RALY: variants seen among roughly 807,000 people sequenced by gnomAD.
RALY encodes RALY heterogeneous nuclear ribonucleoprotein.
RALY carries 15 observed loss-of-function variants against 30.7 expected under a neutral mutation model. The ratio of observed to expected loss-of-function variants is 0.49; its 90% CI spans 0.33 to 0.75. The LOEUF is 0.75. RALY is among the 30% of genes least tolerant of loss of function. RALY has a pLI of 0.02. For missense variants in RALY, 339 were observed against 414.3 expected (o/e 0.82, Z 1.58); for synonymous variants, 177 against 170.8 (o/e 1.04, Z -0.28).
chr20:33,997,142 G>C (rs528708319), intron 1 of RALY, among the ~76,000 whole-genome samples: 1 of 152,032 alleles, frequency 6.6e-6, no homozygotes, highest in Non-Finnish European at 1.5e-5. Flanking sequence ...TGGAGACGGA[G>C]TCTCACTCCG....
At chr20:34,038,235 C>T (rs1346345513) in intron 2 of RALY, among the ~76,000 whole-genome samples, 1 of 152,096 alleles carries the variant, frequency 6.6e-6, no homozygotes, top group East Asian at 1.9e-4. Flanking sequence ...AGGAGAGGGA[C>T]CTGTAGGTTA....
At position 34,072,176 on chromosome 20, in the gene RALY, G is replaced by T. The variant is rs114080584; in HGVS notation, c.102G>T (p.Lys34Asn). 1 of 1,614,248 alleles carries T rather than the reference G, an allele frequency of 6.2e-7. No homozygotes were observed. Among genetic ancestry groups the T allele is most frequent in the African/African-American group, 1.3e-5 (1 of 75,050 alleles). ...GAAACCTCAACACAGCTCTGGTGAA[G>T]AAATCAGATGTGGAGACCATCTTCT... Reference protein sequence around the residue: ...FIGNLNTALVKKSDVETIFSK... With the variant: ...FIGNLNTALVNKSDVETIFSK... The change falls in exon 3 of 10, where the codon AAG becomes AAT. Residue 34 changes from lysine to asparagine, a missense_variant. This residue lies in a region of RALY where 71 missense variants were observed against 133.7 expected (regional missense o/e 0.53). Transcript: ENST00000246194.
intron 1 of RALY, among the ~76,000 whole-genome samples, chr20:34,022,873 A>AT (rs1222633317): frequency 3.3e-5 from 5 of 152,254 alleles, no homozygotes; most frequent in South Asian, 2.1e-4. Flanking sequence ...ATAGCATAGC[A>AT]TTTTTTCCCC....
intron 1 of RALY, among the ~76,000 whole-genome samples, chr20:34,028,347 A>G (rs1341350675): frequency 6.6e-6 from 1 of 152,032 alleles, no homozygotes; most frequent in Non-Finnish European, 1.5e-5. Context: ...AGTAGTAGGA[A>G]TTTCTACAAG....
At chr20:34,044,327 CT>C (rs754831156) in intron 2 of RALY, among the ~76,000 whole-genome samples, 211 of 144,878 alleles carry the variant, frequency 1.5e-3, no homozygotes, top group Non-Finnish European at 1.7e-3. Context: ...ATGTGCGTTA[CT>C]TTTTTTTTTT....
At chr20:34,009,855 T>G (rs2031323738) in intron 1 of RALY, among the ~76,000 whole-genome samples, 1 of 152,186 alleles carries the variant, frequency 6.6e-6, no homozygotes, top group African/African-American at 2.4e-5. Context: ...ATAGCACTTT[T>G]TTTGGGAAAC....
At chr20:34,053,364 A>G (rs1218124573) in intron 2 of RALY, among the ~76,000 whole-genome samples, 2 of 135,740 alleles carry the variant, frequency 1.5e-5, no homozygotes, top group Non-Finnish European at 3.1e-5. Context: ...CAAGGCCAAC[A>G]TTTAGTAGAT....
intron 1 of RALY, among the ~76,000 whole-genome samples, chr20:34,024,362 C>T (rs1242564823): frequency 6.6e-6 from 1 of 152,190 alleles, no homozygotes; most frequent in East Asian, 1.9e-4. Context: ...TTACTCGTGC[C>T]TCCCTTGATA....
intron 1 of RALY, among the ~76,000 whole-genome samples, chr20:34,018,680 TTG>T (rs201717151): frequency 6.0e-5 from 7 of 117,488 alleles, no homozygotes; most frequent in Non-Finnish European, 1.4e-4. Flanking sequence ...CTTTTGGTGT[TTG>T]TTTTGTTTTT....
chr20:34,029,675 T>A (rs1328369827), intron 1 of RALY, among the ~76,000 whole-genome samples: 1 of 152,134 alleles, frequency 6.6e-6, no homozygotes, highest in African/African-American at 2.4e-5. Context: ...TCATGGAGGC[T>A]GGGAAATAGA....
At chr20:34,002,636 T>C (rs751199937) in intron 1 of RALY, among the ~76,000 whole-genome samples, 5 of 152,168 alleles carry the variant, frequency 3.3e-5, no homozygotes, top group Non-Finnish European at 7.4e-5. Context: ...GGCATTCCCT[T>C]CTCTCCCTTC....
At chr20:34,024,968 G>A (rs1364959606) in intron 1 of RALY, among the ~76,000 whole-genome samples, 2 of 152,210 alleles carry the variant, frequency 1.3e-5, no homozygotes, top group African/African-American at 4.8e-5. Context: ...TTGAGGCTGA[G>A]GGGTTAGGGG....
In RALY at chr20:34,072,201, T is replaced by G. The variant is rs1401837791; in HGVS notation, c.127T>G (p.Ser43Ala). The G allele has an allele frequency of 6.2e-7, 1 of 1,614,118 alleles. No homozygotes were observed. Among genetic ancestry groups the G allele is most frequent in the Non-Finnish European group, 8.5e-7 (1 of 1,180,054 alleles). Residue 43 changes from serine to alanine, a missense_variant, in exon 3 of 10, where the codon TCT becomes GCT. Ser to Ala is a moderately conservative substitution (Grantham distance 99). Coordinates refer to ENST00000246194, the MANE Select transcript of RALY (RefSeq NM_016732.3). ...GAAATCAGATGTGGAGACCATCTTC[T>G]CTAAGTATGGCCGTGTGGCCGGCTG... Reference protein sequence around the residue: ...VKKSDVETIFSKYGRVAGCSV... With the variant: ...VKKSDVETIFAKYGRVAGCSV...
At chr20:34,037,249 G>A (rs928257293) in intron 2 of RALY, among the ~76,000 whole-genome samples, 2 of 152,224 alleles carry the variant, frequency 1.3e-5, no homozygotes, top group East Asian at 1.9e-4. Flanking sequence ...GTGCTCGGCA[G>A]CCTGGCTCCT....
At position 34,075,727 on chromosome 20, in the gene RALY, C is replaced by T. The variant is rs1449334902; in HGVS notation, c.378-147C>T. On this transcript the variant is annotated intron_variant, in intron 5 of 9. Transcript: ENST00000246194. ...CAGGGTCCGGCAAGCCCTTCCTCTT[C>T]ACTCCAGGGCTTGCTAGGAGCCAGC... 132 of 881,310 alleles carry T rather than the reference C, an allele frequency of 1.5e-4. 2 individuals carry two copies. The South Asian group carries it at 2.4e-3, about 16-fold the overall frequency. 54.6% of individuals were successfully genotyped at this position (881,310 alleles called of 1,614,324 possible). A position where few individuals can be genotyped will look rare whatever the true frequency, so the allele number is the denominator to read the frequency against.
At chr20:34,052,427 C>G (rs1334408110) in intron 2 of RALY, among the ~76,000 whole-genome samples, 1 of 152,144 alleles carries the variant, frequency 6.6e-6, no homozygotes, top group African/African-American at 2.4e-5. Context: ...ATGGCAGAAC[C>G]AAGTCTAAAT....
intron 1 of RALY, among the ~76,000 whole-genome samples, chr20:34,003,394 G>T (rs1403138212): frequency 6.6e-6 from 1 of 152,084 alleles, no homozygotes; most frequent in Non-Finnish European, 1.5e-5. Context: ...GTGGTAATAG[G>T]TAAGTGGCAG....
intron 1 of RALY, among the ~76,000 whole-genome samples, chr20:33,996,387 C>T (rs981126971): frequency 2.0e-5 from 3 of 152,108 alleles, no homozygotes; most frequent in African/African-American, 4.8e-5. Context: ...GTAATAATAG[C>T]TAAATTTATT....
chr20:34,050,691 A>G (rs1229735012), intron 2 of RALY, among the ~76,000 whole-genome samples: 1 of 152,130 alleles, frequency 6.6e-6, no homozygotes, highest in East Asian at 1.9e-4. Context: ...CATCCCATAT[A>G]ATGGGGTTAG....
Sources: gnomAD v4.1 joint callset for allele counts (sites outside exome capture counted in the v4.1 genomes callset) on GRCh38, gnomAD v4.1.1 for gene constraint, gnomAD v4.1.1 regional missense constraint, MANE v1.5 for transcripts, NCBI Gene and HGNC (gene_info 2026-07-23, HGNC 2026-07-21) for gene names.